The following IQCH variants were observed in gnomAD, a reference collection of about 807,000 sequenced individuals.
The protein encoded by IQCH is IQ domain-containing protein H.
A neutral mutation model predicts 117.0 loss-of-function variants in IQCH; 98 were observed. The ratio of observed to expected loss-of-function variants is 0.84; its 90% CI spans 0.71 to 0.99. IQCH has a LOEUF of 0.99. IQCH is among the 50% of genes least tolerant of loss of function. The pLI is 0.00. For synonymous variants in IQCH, 412 were observed against 448.2 expected, an observed-to-expected ratio of 0.92 and a Z score of 1.02; for missense variants, 1,102 against 1,243.8, an observed-to-expected ratio of 0.89 and a Z score of 1.72.
chr15:67,402,970 G>A (rs555859455), intron 14 of IQCH, among the ~76,000 whole-genome samples: 30 of 152,264 alleles, frequency 2.0e-4, no homozygotes, highest in Admixed American at 1.7e-3. Context: ...CATCTGGGCC[G>A]GGCATGGTGG....
At chr15:67,480,359 C>T (rs2083311386) in intron 18 of IQCH, among the ~76,000 whole-genome samples, 1 of 152,178 alleles carries the variant, frequency 6.6e-6, no homozygotes, top group African/African-American at 2.4e-5. Flanking sequence ...CCTGTAGGAG[C>T]CACTTCCTGA....
chr15:67,421,435 C>A lies in IQCH; in HGVS notation c.2363C>A (p.Thr788Asn). 2 of 1,614,194 alleles carry A rather than the reference C, an allele frequency of 1.2e-6. No individual in the cohort carries two copies. Among genetic ancestry groups the A allele is most frequent in the Non-Finnish European group, 1.7e-6 (2 of 1,180,030 alleles). Residue 788 changes from threonine (T) to asparagine (N), a missense_variant, in exon 16 of 21, where the codon ACC becomes AAC. Thr to Asn is a moderately conservative substitution (Grantham distance 65, BLOSUM62 0). Transcript: ENST00000335894. ...AESPFISSGT[T>N]VPQTSVDPQV... is the part of the protein sequence containing the mutation. ...AGCCCCTTCATCTCCTCTGGTACCA[C>A]CGTGCCTCAGACCTCAGTGGATCCC...
At chr15:67,446,860 G>C (rs2082403039) in intron 16 of IQCH, among the ~76,000 whole-genome samples, 1 of 152,188 alleles carries the variant, frequency 6.6e-6, no homozygotes, top group Admixed American at 6.5e-5. Flanking sequence ...GAGACAGAAA[G>C]GTGTTAAGTG....
At chr15:67,340,734 T>C (rs1969132307) in intron 5 of IQCH, among the ~76,000 whole-genome samples, 1 of 152,198 alleles carries the variant, frequency 6.6e-6, no homozygotes, top group South Asian at 2.1e-4. Flanking sequence ...TAAACACTTA[T>C]TTATCTCTAC....
intron 4 of IQCH, among the ~76,000 whole-genome samples, chr15:67,300,022 T>C (rs1966945900): frequency 6.6e-6 from 1 of 152,150 alleles, no homozygotes; most frequent in South Asian, 2.1e-4. Context: ...AATTACAAAG[T>C]AGTGATTTTT....
chr15:67,291,075 A>G lies in IQCH; in HGVS notation c.387+11563A>G, dbSNP rs973979900. Among the ~76,000 whole-genome samples the G allele has an allele frequency of 2.0e-5, 3 of 152,186 alleles. No individual in the cohort carries two copies. In the South Asian group the frequency reaches 6.2e-4, roughly 31 times the overall value. ...GAAGACAGAAACACAATCATTATTCATGCAAGTCCAACCACTAGGGAAGGG... is the reference window on the plus strand; with the variant it reads ...GAAGACAGAAACACAATCATTATTCGTGCAAGTCCAACCACTAGGGAAGGG... On this transcript the variant is annotated intron_variant, in intron 4 of 20. Coordinates refer to ENST00000335894, the MANE Select transcript of IQCH (RefSeq NM_001031715.3).
intron 4 of IQCH, among the ~76,000 whole-genome samples, chr15:67,334,413 C>G (rs535704479): frequency 6.6e-6 from 1 of 152,240 alleles, no homozygotes; most frequent in South Asian, 2.1e-4. Flanking sequence ...TCACATAGAG[C>G]TCCTTCTCGT....
At chr15:67,477,753 GAAC>G (rs2083240665) in intron 18 of IQCH, among the ~76,000 whole-genome samples, 1 of 152,066 alleles carries the variant, frequency 6.6e-6, no homozygotes, top group Non-Finnish European at 1.5e-5. Flanking sequence ...TATCAAAGTA[GAAC>G]AACTCTGTAA....
intron 3 of IQCH, among the ~76,000 whole-genome samples, chr15:67,264,052 C>A (rs1965568007): frequency 6.6e-6 from 1 of 152,198 alleles, no homozygotes; most frequent in Non-Finnish European, 1.5e-5. Context: ...TCAAGGAAAG[C>A]TGTAGACATA....
intron 4 of IQCH, among the ~76,000 whole-genome samples, chr15:67,293,259 A>G (rs1005724778): frequency 6.6e-6 from 1 of 152,174 alleles, no homozygotes. Context: ...CTCTGCTCTC[A>G]TGGAGCTTAC....
intron 4 of IQCH, among the ~76,000 whole-genome samples, chr15:67,312,398 A>G (rs952505085): frequency 3.8e-4 from 58 of 152,256 alleles, no homozygotes; most frequent in African/African-American, 1.3e-3. Context: ...ACGACGTCCC[A>G]AAAGTTAGAG....
At chr15:67,279,585 G>C (rs1046651278) in intron 4 of IQCH, 73 bp downstream of exon 4, 54 of 804,716 alleles carry the variant, frequency 6.7e-5, no homozygotes, top group South Asian at 5.2e-4. Flanking sequence ...GCAGAGACTA[G>C]GAGTGACTTT....
chr15:67,310,577 C>T (rs1384108387), intron 4 of IQCH, among the ~76,000 whole-genome samples: 1 of 152,080 alleles, frequency 6.6e-6, no homozygotes, highest in Non-Finnish European at 1.5e-5. Context: ...CAGGAAAGTT[C>T]TCTGGTGCAT....
At chr15:67,255,151 C>T in intron 1 of IQCH, 1 of 605,312 alleles carries the variant, frequency 1.7e-6, no homozygotes, top group Non-Finnish European at 3.0e-6. Context: ...TAGGTTACGC[C>T]CCAGAAGCAG....
At chr15:67,423,474 T>C (rs1231893708) in intron 16 of IQCH, among the ~76,000 whole-genome samples, 1 of 150,710 alleles carries the variant, frequency 6.6e-6, no homozygotes, top group Non-Finnish European at 1.5e-5. Flanking sequence ...GAGGCTGAAG[T>C]GGGAGGATCA....
chr15:67,409,938 TTAAG>T (rs1182931993), intron 14 of IQCH, among the ~76,000 whole-genome samples: 5 of 152,236 alleles, frequency 3.3e-5, no homozygotes, highest in Non-Finnish European at 7.3e-5. Flanking sequence ...TCCTTAAACT[TTAAG>T]TAGGTGTGGG....
chr15:67,365,995 T>C lies in IQCH; in HGVS notation c.753+6110T>C, dbSNP rs556996587. ...GACAAGGTGGAGCTCTGTAGGAATT[T>C]TGCAAGTGTTCTTTAGTGATTTGGA... On this transcript the variant is annotated intron_variant, in intron 8 of 20. Transcript: ENST00000335894. This position sits in a 1 kb window ranked among gnomAD's most constrained non-coding sequence, Gnocchi z 4.4. Among the ~76,000 whole-genome samples, 25 of 152,172 alleles carry C rather than the reference T, an allele frequency of 1.6e-4. No individual in the cohort carries two copies. Among genetic ancestry groups the C allele is most frequent in the Non-Finnish European group, 1.6e-4 (11 of 68,028 alleles).
In IQCH at chr15:67,454,275, C is replaced by T. The variant is rs543674249; in HGVS notation, c.2506-10852C>T. Among the ~76,000 whole-genome samples the T allele has an allele frequency of 6.6e-5, 10 of 152,266 alleles. No homozygotes were observed. The South Asian group carries it at 1.4e-3, about 22-fold the overall frequency. ...CTGGCACTCCCCAGTGAGATGAACC[C>T]GGTACCTCAGTTGGAAATGCAGAAA... On this transcript the variant is annotated intron_variant, in intron 16 of 20. Transcript: ENST00000335894. This position sits in a 1 kb window ranked among gnomAD's most constrained non-coding sequence, Gnocchi z 5.2.
chr15:67,440,243 A>C (rs964374464), intron 16 of IQCH, among the ~76,000 whole-genome samples: 1 of 152,260 alleles, frequency 6.6e-6, no homozygotes. Flanking sequence ...TACCAACCAA[A>C]AAAGTCCAAG....
Sources: allele counts gnomAD v4.1 joint callset (sites outside exome capture counted in the v4.1 genomes callset), GRCh38; gene constraint gnomAD v4.1.1; non-coding constraint Gnocchi (gnomAD v3.1); transcripts MANE v1.5; gene names NCBI Gene and HGNC (gene_info 2026-07-23, HGNC 2026-07-21).